Variants in RBFOX1 observed in about 807,000 individuals in gnomAD.
RBFOX1 encodes the protein RNA binding fox-1 homolog 1.
A neutral mutation model predicts 57.7 loss-of-function variants in RBFOX1; 8 were observed. That is an observed-to-expected ratio of 0.14 (90% CI 0.08 to 0.25). The LOEUF (loss-of-function observed/expected upper bound fraction) is 0.25. Among genes scored for constraint, RBFOX1 ranks in the 10% least tolerant of loss-of-function variants. The pLI is 1.00. For missense variants in RBFOX1, 611 were observed against 548.5 expected (o/e 1.11, Z -1.14); for synonymous variants, 326 against 222.4 (o/e 1.47, Z -4.15).
At chr16:5,393,323 C>G (rs1032262644) in intron 1 of RBFOX1, among the ~76,000 whole-genome samples, 1 of 152,176 alleles carries the variant, frequency 6.6e-6, no homozygotes, top group African/African-American at 2.4e-5. Flanking sequence ...CTGTCTCAAG[C>G]CGAATACTTG....
At chr16:6,366,551 C>T (rs905104411) in intron 2 of RBFOX1, among the ~76,000 whole-genome samples, 2 of 152,154 alleles carry the variant, frequency 1.3e-5, no homozygotes, top group Non-Finnish European at 2.9e-5. Context: ...TCTATATCAC[C>T]CTTCAAGGGG....
intron 1 of RBFOX1, among the ~76,000 whole-genome samples, chr16:5,430,286 C>G (rs1367222221): frequency 6.6e-6 from 1 of 152,068 alleles, no homozygotes; most frequent in South Asian, 2.1e-4. Context: ...TCAGGGGAGG[C>G]CTCTCAAAGT....
intron 3 of RBFOX1, among the ~76,000 whole-genome samples, chr16:5,621,125 G>A (rs1183527486): frequency 2.6e-5 from 4 of 152,170 alleles, no homozygotes; most frequent in Admixed American, 6.5e-5. Context: ...CAGGCGTTGA[G>A]CCAATGCGCC....
intron 1 of RBFOX1, among the ~76,000 whole-genome samples, chr16:6,039,700 T>G (rs2095415356): frequency 1.3e-5 from 2 of 152,238 alleles, no homozygotes; most frequent in Non-Finnish European, 2.9e-5. Flanking sequence ...AGGTTTAAAA[T>G]CTGCCTTTTA....
At chr16:6,318,967 C>T (rs561871079) in intron 2 of RBFOX1, among the ~76,000 whole-genome samples, 2 of 151,858 alleles carry the variant, frequency 1.3e-5, no homozygotes, top group African/African-American at 4.8e-5. Flanking sequence ...CTTCAGAGAC[C>T]AAGCAGTCAC....
intron 4 of RBFOX1, among the ~76,000 whole-genome samples, chr16:5,944,624 G>A (rs2152269279): frequency 6.6e-6 from 1 of 150,996 alleles, no homozygotes; most frequent in African/African-American, 2.4e-5. Context: ...AATCTATACT[G>A]TCCCCGCCAT....
chr16:6,907,983 T>C (rs1391861752), intron 3 of RBFOX1, among the ~76,000 whole-genome samples: 1 of 151,730 alleles, frequency 6.6e-6, no homozygotes, highest in African/African-American at 2.4e-5. Flanking sequence ...TGGATGTCTC[T>C]GTGTCTCTAT....
intron 3 of RBFOX1, among the ~76,000 whole-genome samples, chr16:5,684,774 A>G (rs2050451928): frequency 6.6e-6 from 1 of 152,166 alleles, no homozygotes; most frequent in South Asian, 2.1e-4. Flanking sequence ...CTTGGCTGGT[A>G]TATCTGGAGC....
At chr16:7,444,275 C>T (rs1022057487) in intron 4 of RBFOX1, among the ~76,000 whole-genome samples, 4 of 152,086 alleles carry the variant, frequency 2.6e-5, no homozygotes, top group Admixed American at 1.3e-4. Context: ...ATCCAGAAAA[C>T]GTGGGTGTGG....
At chr16:6,505,045 C>T (rs1335368459) in intron 2 of RBFOX1, among the ~76,000 whole-genome samples, 2 of 152,148 alleles carry the variant, frequency 1.3e-5, no homozygotes, top group Non-Finnish European at 2.9e-5. Flanking sequence ...TCTACTCCAT[C>T]TTGGGCAACA....
chr16:6,268,724 A>G (rs1198101744), intron 1 of RBFOX1, among the ~76,000 whole-genome samples: 1 of 152,232 alleles, frequency 6.6e-6, no homozygotes, highest in Non-Finnish European at 1.5e-5. Flanking sequence ...CTTACAGTTC[A>G]TCGAAGAAAC....
rs1451111417 is a variant in RBFOX1 at position 5,947,449 on chromosome 16, C to T, written c.351+80114C>T. ...TTGGTATGATCATGGCTCACTACAGCCTCGAAATCTTGTGCTCAAGCCATT... is the reference window on the plus strand; with the variant it reads ...TTGGTATGATCATGGCTCACTACAGTCTCGAAATCTTGTGCTCAAGCCATT... On this transcript the variant is annotated intron_variant, in intron 4 of 19. Transcript: ENST00000641259. This position sits in a 1 kb window ranked among gnomAD's most constrained non-coding sequence, Gnocchi z 7.2. 6.6e-6 allele frequency among the ~76,000 whole-genome samples: 1 copy of T among 152,108 alleles called. No homozygotes were observed. Among genetic ancestry groups the T allele is most frequent in the Non-Finnish European group, 1.5e-5 (1 of 68,034 alleles).
In RBFOX1 at chr16:6,969,384, A is replaced by G. The variant is rs373567554; in HGVS notation, c.-15-82673A>G. Among the ~76,000 whole-genome samples the G allele has an allele frequency of 9.2e-4, 140 of 151,942 alleles. 1 individual carries two copies. The highest frequency in any genetic ancestry group is 3.2e-3 in the African/African-American group (134 of 41,284). ...CCATATTTAACTTAAAAATTTGGAT[A>G]TTTTGTTCATGATGCATATTTCACA... On this transcript the variant is annotated intron_variant, in intron 3 of 15. Coordinates refer to ENST00000550418, the MANE Select transcript of RBFOX1 (RefSeq NM_018723.4).
chr16:6,503,602 G>C (rs529411305), intron 2 of RBFOX1, among the ~76,000 whole-genome samples: 1 of 152,088 alleles, frequency 6.6e-6, no homozygotes, highest in South Asian at 2.1e-4. Context: ...TGGCCTTTTC[G>C]GCAGGCTTGC....
chr16:7,623,811 TTC>T (rs1300550058), intron 10 of RBFOX1, among the ~76,000 whole-genome samples: 1 of 152,178 alleles, frequency 6.6e-6, no homozygotes, highest in African/African-American at 2.4e-5. Flanking sequence ...TGACCATCTT[TTC>T]TCTGTCTTCA....
At chr16:5,627,416 G>C (rs946531575) in intron 3 of RBFOX1, among the ~76,000 whole-genome samples, 1 of 151,982 alleles carries the variant, frequency 6.6e-6, no homozygotes, top group Non-Finnish European at 1.5e-5. Flanking sequence ...TAGTGATCTT[G>C]GGGTGTGTGT....
chr16:6,618,982 G>A (rs2098184559), intron 2 of RBFOX1, among the ~76,000 whole-genome samples: 1 of 152,198 alleles, frequency 6.6e-6, no homozygotes, highest in Admixed American at 6.5e-5. Context: ...ATAGTCCAGA[G>A]TGGGAAGCTG....
At chr16:5,305,898 A>C (rs1205623338) in intron 1 of RBFOX1, among the ~76,000 whole-genome samples, 3 of 152,066 alleles carry the variant, frequency 2.0e-5, no homozygotes, top group Non-Finnish European at 2.9e-5. Context: ...CTGTACAAAA[A>C]ATTAAAAAAT....
chr16:5,668,206 G>T (rs539709799), intron 3 of RBFOX1, among the ~76,000 whole-genome samples: 2 of 152,198 alleles, frequency 1.3e-5, no homozygotes, highest in African/African-American at 4.8e-5. Context: ...GTTTGAACCC[G>T]GGAGGCGGAG....
Sources: gnomAD v4.1 joint callset for allele counts (sites outside exome capture counted in the v4.1 genomes callset) on GRCh38, gnomAD v4.1.1 for gene constraint, Gnocchi (gnomAD v3.1) non-coding constraint, MANE v1.5 for transcripts, NCBI Gene and HGNC (gene_info 2026-07-23, HGNC 2026-07-21) for gene names.